Variants in ZFPM2 observed in about 807,000 individuals in gnomAD.
ZFPM2 encodes zinc finger protein ZFPM2.
ZFPM2 carries 20 observed loss-of-function variants against 98.6 expected under a neutral mutation model. That is an observed-to-expected ratio of 0.20 (90% CI 0.14 to 0.29). ZFPM2 has a LOEUF of 0.29. Among genes scored for constraint, ZFPM2 ranks in the 10% least tolerant of loss-of-function variants. The probability of loss-of-function intolerance (pLI) is 1.00; values close to 1 mark genes in which losing one functional copy is unlikely to be tolerated. For synonymous variants in ZFPM2, 518 were observed against 502.7 expected, an observed-to-expected ratio of 1.03 and a Z score of -0.41; for missense variants, 1,310 against 1,388.6, an observed-to-expected ratio of 0.94 and a Z score of 0.90.
intron 1 of ZFPM2, among the ~76,000 whole-genome samples, chr8:105,338,500 A>G (rs1296313156): frequency 6.6e-6 from 1 of 151,872 alleles, no homozygotes; most frequent in Non-Finnish European, 1.5e-5. Flanking sequence ...GCTTATTTAA[A>G]ATATAGTAAT....
intron 4 of ZFPM2, among the ~76,000 whole-genome samples, chr8:105,611,015 T>C (rs1563742101): frequency 6.6e-6 from 1 of 152,214 alleles, no homozygotes; most frequent in African/African-American, 2.4e-5. Flanking sequence ...TGCACTTCCA[T>C]GGTAGTAACT....
rs1252662615 is a variant in ZFPM2 at position 105,775,890 on chromosome 8, A to G, written c.533-12828A>G. 3.3e-5 allele frequency among the ~76,000 whole-genome samples: 5 copies of G among 152,278 alleles called. No homozygotes were observed. The South Asian group carries it at 8.3e-4, about 25-fold the overall frequency. On this transcript the variant is annotated intron_variant, in intron 5 of 7. Transcript: ENST00000407775. Reference sequence around the variant, plus strand: ...ACCCAAGGTAGGATACCTGAGCCCCATGGCCTCCAACACATTAATTCAGGT... The same window carrying G: ...ACCCAAGGTAGGATACCTGAGCCCCGTGGCCTCCAACACATTAATTCAGGT...
At chr8:105,503,998 A>G (rs1813647764) in intron 3 of ZFPM2, among the ~76,000 whole-genome samples, 2 of 152,060 alleles carry the variant, frequency 1.3e-5, no homozygotes, top group Admixed American at 1.3e-4. Context: ...TCCCCTGCAG[A>G]TAGTTGGTTG....
chr8:105,591,319 TA>T (rs1236882491), intron 4 of ZFPM2, among the ~76,000 whole-genome samples: 1 of 152,116 alleles, frequency 6.6e-6, no homozygotes, highest in Non-Finnish European at 1.5e-5. Context: ...TATTGCTTTA[TA>T]AATTGGATTA....
chr8:105,381,719 T>C (rs562011485), intron 1 of ZFPM2, among the ~76,000 whole-genome samples: 247 of 152,286 alleles, frequency 1.6e-3, no homozygotes, highest in Non-Finnish European at 2.4e-3. Flanking sequence ...TTTTTGCATA[T>C]ATATATGAAT....
At chr8:105,633,269 A>G (rs960357005) in intron 4 of ZFPM2, among the ~76,000 whole-genome samples, 3 of 152,154 alleles carry the variant, frequency 2.0e-5, no homozygotes, top group Non-Finnish European at 4.4e-5. Context: ...TCTAGGTGAA[A>G]ATTCAGTTCA....
chr8:105,462,926 A>C (rs1443252197), intron 3 of ZFPM2, among the ~76,000 whole-genome samples: 2 of 152,130 alleles, frequency 1.3e-5, no homozygotes, highest in Non-Finnish European at 2.9e-5. Context: ...TTCAAGTTGA[A>C]GTGCTAAAAT....
chr8:105,789,717 C>T (rs965719660), intron 6 of ZFPM2, among the ~76,000 whole-genome samples: 1 of 152,200 alleles, frequency 6.6e-6, no homozygotes, highest in African/African-American at 2.4e-5. Context: ...TAAAAGTGTT[C>T]CTATTTCTCC....
At chr8:105,611,522 G>T (rs1224611793) in intron 4 of ZFPM2, among the ~76,000 whole-genome samples, 1 of 152,006 alleles carries the variant, frequency 6.6e-6, no homozygotes, top group Non-Finnish European at 1.5e-5. Context: ...GCCTGGTTTA[G>T]GGGAGTTGAA....
rs562749745 is a variant in ZFPM2 at position 105,611,307 on chromosome 8, G to A, written c.421-22939G>A. ...AGAAAGAAAAACAAATTTTGAAAACGAGGAACAGCTTAATAATTATAGATA... is the reference window on the plus strand; with the variant it reads ...AGAAAGAAAAACAAATTTTGAAAACAAGGAACAGCTTAATAATTATAGATA... On this transcript the variant is annotated intron_variant, in intron 4 of 7. Transcript: ENST00000407775. 1.7e-4 allele frequency among the ~76,000 whole-genome samples: 26 copies of A among 152,248 alleles called. No homozygotes were observed. In the South Asian group the frequency reaches 5.4e-3, roughly 32 times the overall value.
chr8:105,455,564 A>G (rs1376017155), intron 3 of ZFPM2, among the ~76,000 whole-genome samples: 2 of 149,368 alleles, frequency 1.3e-5, no homozygotes, highest in African/African-American at 4.9e-5. Flanking sequence ...TATAATTCAG[A>G]GAAGTCACAT....
chr8:105,788,941 G>A lies in ZFPM2; in HGVS notation c.739+17G>A. ...TTGTCAATAGTAAGTGCTCAGTGCT[G>A]TGTAGCCCAGCTTTAGAGGTGATGG... On this transcript the variant is annotated intron_variant, in intron 6 of 7. Transcript: ENST00000407775. The A allele has an allele frequency of 6.3e-7, 1 of 1,597,532 alleles. No homozygotes were observed. The highest frequency in any genetic ancestry group is 1.3e-5 in the African/African-American group (1 of 74,734).
At chr8:105,722,518 A>T (rs534966202) in intron 5 of ZFPM2, among the ~76,000 whole-genome samples, 2 of 152,058 alleles carry the variant, frequency 1.3e-5, no homozygotes, top group African/African-American at 4.8e-5. Context: ...CCAATGACAT[A>T]AATAATTGAT....
At chr8:105,625,520 G>A (rs1347273449) in intron 4 of ZFPM2, among the ~76,000 whole-genome samples, 4 of 151,818 alleles carry the variant, frequency 2.6e-5, no homozygotes, top group Admixed American at 6.6e-5. Context: ...GACATGGCTC[G>A]CTGTGTTTGG....
intron 5 of ZFPM2, among the ~76,000 whole-genome samples, chr8:105,714,963 A>G (rs535934377): frequency 7.2e-5 from 11 of 152,250 alleles, no homozygotes; most frequent in African/African-American, 2.4e-4. Context: ...TGCTTATACC[A>G]TTGATAAACA....
intron 5 of ZFPM2, chr8:105,684,936 C>T (rs1236979121): frequency 6.6e-6 from 1 of 152,048 alleles, no homozygotes; most frequent in Admixed American, 6.6e-5. Context: ...CCTAAAACAA[C>T]ACAAGAATTC....
intron 5 of ZFPM2, among the ~76,000 whole-genome samples, chr8:105,675,711 G>A (rs1161715172): frequency 6.6e-6 from 1 of 152,122 alleles, no homozygotes; most frequent in African/African-American, 2.4e-5. Flanking sequence ...ATTGTCAGAA[G>A]GAGGAAGCTC....
chr8:105,343,444 A>G (rs1488711052), intron 1 of ZFPM2, among the ~76,000 whole-genome samples: 2 of 152,134 alleles, frequency 1.3e-5, no homozygotes, highest in African/African-American at 4.8e-5. Context: ...TAATAGGAGA[A>G]GAAAATTCTG....
Position 105,644,297 on chromosome 8 carries a change from T to TAAAAAAA in ZFPM2, c.532+9944_532+9950dup, listed in dbSNP as rs58170875. ...TTCTTTCTTTTCTTTTTTTTTTTTT[T>TAAAAAAA]AAAAAAAAAACAGGGTTTTGCCATG... On this transcript the variant is annotated intron_variant, in intron 5 of 7. Transcript: ENST00000407775. Among the ~76,000 whole-genome samples, 5 of 145,578 alleles carry TAAAAAAA rather than the reference T, an allele frequency of 3.4e-5. No homozygotes were observed. In the South Asian group the frequency reaches 1.1e-3, roughly 32 times the overall value.
Sources: gnomAD v4.1 joint callset for allele counts (sites outside exome capture counted in the v4.1 genomes callset) on GRCh38, gnomAD v4.1.1 for gene constraint, MANE v1.5 for transcripts, NCBI Gene and HGNC (gene_info 2026-07-23, HGNC 2026-07-21) for gene names.